Variants in MTG1 observed in about 807,000 individuals in gnomAD.
MTG1 encodes the protein mitochondrial ribosome-associated GTPase 1.
A neutral mutation model predicts 39.5 loss-of-function variants in MTG1; 30 were observed. The ratio of observed to expected loss-of-function variants is 0.76; its 90% CI spans 0.57 to 1.03. The LOEUF is 1.03. Ranked by LOEUF, MTG1 falls within the 50% of genes least tolerant of loss-of-function variation. The pLI is 0.00. For missense variants in MTG1, 513 were observed against 447.4 expected, an observed-to-expected ratio of 1.15 and a Z score of -1.32; for synonymous variants, 217 against 179.0, an observed-to-expected ratio of 1.21 and a Z score of -1.69.
At chr10:133,408,790 C>G (rs1474373402) in intron 9 of MTG1, among the ~76,000 whole-genome samples, 2 of 152,134 alleles carry the variant, frequency 1.3e-5, no homozygotes, top group Admixed American at 1.3e-4. Flanking sequence ...TGTTTGTATC[C>G]AGGAATTCAT....
At chr10:133,405,857 G>C (rs1388671741) in intron 9 of MTG1, among the ~76,000 whole-genome samples, 3 of 152,186 alleles carry the variant, frequency 2.0e-5, no homozygotes, top group African/African-American at 7.2e-5. Context: ...ACCCAGTAGT[G>C]GGATTGCTGG....
chr10:133,408,141 G>T (rs1392534710), intron 9 of MTG1, among the ~76,000 whole-genome samples: 2 of 152,178 alleles, frequency 1.3e-5, no homozygotes, highest in Admixed American at 1.3e-4. Flanking sequence ...TCTGTGTGTT[G>T]TTCCAGATCT....
chr10:133,418,178 A>G (rs1410129875), intron 9 of MTG1, among the ~76,000 whole-genome samples: 1 of 152,134 alleles, frequency 6.6e-6, no homozygotes, highest in East Asian at 1.9e-4. Context: ...TAATTTTTGT[A>G]TTTTTAGTAG....
intron 2 of MTG1, 34 bp downstream of exon 2, chr10:133,395,811 C>T (rs1849773892): frequency 2.5e-6 from 4 of 1,606,116 alleles, no homozygotes; most frequent in African/African-American, 1.3e-5. Flanking sequence ...GGCCCCTCTG[C>T]CTGAAGTCAT....
chr10:133,394,295 C>T lies in MTG1; in HGVS notation c.75C>T (p.Arg25=). The T allele has an allele frequency of 1.3e-6, 2 of 1,516,706 alleles. No individual in the cohort carries two copies. The highest frequency in any genetic ancestry group is 8.8e-7 in the Non-Finnish European group (1 of 1,136,738). The allele number at this position is 1,516,706 out of a possible 1,614,324, so 94.0% of individuals were successfully genotyped here. Residue 25 remains arginine, a synonymous_variant, in exon 1 of 11, where the codon CGC becomes CGT. Transcript: ENST00000317502. ...AWRENFPLCG[R]DVARWFPGHM... The stretch of plus-strand genomic sequence containing the variant: ...GGGAGAACTTCCCCCTGTGCGGTCG[C>T]GACGTGGCGCGCTGGTTCCCGGGCC...
rs1448851519 is a variant in MTG1 at position 133,402,349 on chromosome 10, G to A, written c.670+104G>A. ...GGGCCCCTAGACGGGAGTTGTTACT[G>A]CCTTTGACCTGGTTGCTGCCAGACC... On this transcript the variant is annotated intron_variant, in intron 8 of 10. Coordinates refer to ENST00000317502, the MANE Select transcript of MTG1 (RefSeq NM_138384.4). The surrounding 1 kb of genome is among the most constrained non-coding windows in gnomAD (Gnocchi z 4.7). The A allele has an allele frequency of 9.6e-6, 13 of 1,354,290 alleles. No homozygotes were observed. In the South Asian group the frequency reaches 1.4e-4, roughly 15 times the overall value. 83.9% of individuals were successfully genotyped at this position (1,354,290 alleles called of 1,614,324 possible).
Position 133,395,861 on chromosome 10 carries a change from T to G in MTG1, c.177+84T>G, listed in dbSNP as rs116478234. ...TTACCTGGGGAGGCTTTTAAAAATA[T>G]GAATTGCGAGGCCCCTTTCTAGACC... On this transcript the variant is annotated intron_variant, in intron 2 of 10. Coordinates refer to ENST00000317502, the MANE Select transcript of MTG1 (RefSeq NM_138384.4). 8.9e-4 allele frequency: 1,255 copies of G among 1,415,580 alleles called. 8 individuals carry two copies. The African/African-American group carries it at 0.015, about 16-fold the overall frequency. 87.7% of individuals were successfully genotyped at this position (1,415,580 alleles called of 1,614,324 possible). A position where few individuals can be genotyped will look rare whatever the true frequency, so the allele number is the denominator to read the frequency against.
intron 9 of MTG1, among the ~76,000 whole-genome samples, chr10:133,413,548 C>T (rs1359101965): frequency 2.6e-5 from 4 of 152,150 alleles, no homozygotes; most frequent in Non-Finnish European, 5.9e-5. Context: ...GTGCCCGGCC[C>T]ATTTGTCTCA....
chr10:133,404,640 A>G (rs2133501095), intron 9 of MTG1, among the ~76,000 whole-genome samples: 1 of 152,322 alleles, frequency 6.6e-6, no homozygotes, highest in South Asian at 2.1e-4. Flanking sequence ...AACCAGGGTC[A>G]CAAGGGTTTC....
chr10:133,409,189 G>A (rs977897750), intron 9 of MTG1, among the ~76,000 whole-genome samples: 3 of 151,786 alleles, frequency 2.0e-5, no homozygotes, highest in Non-Finnish European at 2.9e-5. Context: ...ATAAACTTCC[G>A]TCTTAGCAAC....
In MTG1 at chr10:133,420,237, G is replaced by A; in HGVS notation, c.*72G>A. The A allele has an allele frequency of 6.6e-7, 1 of 1,507,644 alleles. No individual in the cohort carries two copies. The highest frequency in any genetic ancestry group is 1.3e-5 in the South Asian group (1 of 78,136). 93.4% of individuals were successfully genotyped at this position (1,507,644 alleles called of 1,614,324 possible). A position where few individuals can be genotyped will look rare whatever the true frequency, so the allele number is the denominator to read the frequency against. ...CCTGACCTGGGTGGTTGAGGCTCAAGACAGCTCACCCGGTCCAGAAGCTCC... is the reference window on the plus strand; with the variant it reads ...CCTGACCTGGGTGGTTGAGGCTCAAAACAGCTCACCCGGTCCAGAAGCTCC... On this transcript the variant is annotated 3_prime_UTR_variant, in exon 11 of 11. Transcript: ENST00000317502.
At chr10:133,406,845 A>G (rs1311909151) in intron 9 of MTG1, among the ~76,000 whole-genome samples, 1 of 151,974 alleles carries the variant, frequency 6.6e-6, no homozygotes, top group Non-Finnish European at 1.5e-5. Flanking sequence ...TTGTATTTTT[A>G]GTAGAGATGG....
intron 9 of MTG1, among the ~76,000 whole-genome samples, chr10:133,412,884 G>C (rs1216775067): frequency 6.6e-6 from 1 of 151,982 alleles, no homozygotes; most frequent in South Asian, 2.1e-4. Context: ...CAATTATTGT[G>C]AGAGGGGCAC....
chr10:133,413,653 A>G (rs1850077310), intron 9 of MTG1, among the ~76,000 whole-genome samples: 3 of 152,152 alleles, frequency 2.0e-5, no homozygotes, highest in Admixed American at 2.0e-4. Context: ...ATTGTCTACA[A>G]CTTTTGGGAG....
intron 9 of MTG1, among the ~76,000 whole-genome samples, chr10:133,409,763 A>G (rs1055694183): frequency 2.0e-5 from 3 of 152,132 alleles, no homozygotes; most frequent in Admixed American, 6.5e-5. Context: ...CCCTTTATCA[A>G]TCGTATAGTG....
At chr10:133,415,576 C>T (rs989674634) in intron 9 of MTG1, among the ~76,000 whole-genome samples, 4 of 152,116 alleles carry the variant, frequency 2.6e-5, no homozygotes, top group East Asian at 1.9e-4. Context: ...TTTTCACCTG[C>T]GTGGTGTCTG....
intron 9 of MTG1, among the ~76,000 whole-genome samples, chr10:133,405,241 C>T (rs568397892): frequency 6.6e-6 from 1 of 152,118 alleles, no homozygotes; most frequent in African/African-American, 2.4e-5. Flanking sequence ...TTATATTGAA[C>T]TCTTTTTTAA....
chr10:133,420,119 A>T lies in MTG1; in HGVS notation c.959A>T (p.Asp320Val). The T allele has an allele frequency of 6.2e-7, 1 of 1,613,054 alleles. No homozygotes were observed. Among genetic ancestry groups the T allele is most frequent in the Admixed American group, 1.7e-5 (1 of 59,966 alleles). Residue 320 changes from aspartate to valine, a missense_variant, in exon 11 of 11, where the codon GAC becomes GTC. Coordinates refer to ENST00000317502, the MANE Select transcript of MTG1 (RefSeq NM_138384.4). ...GGGCTGCTGGGTTCCGTGATGCTGG[A>T]CCTCGACGTCCTGCGGGGCCACCCC... ...RRGLLGSVMLDLDVLRGHPPA... is the reference protein window; with the variant it reads ...RRGLLGSVMLVLDVLRGHPPA...
At chr10:133,395,202 T>A (rs540304179) in intron 1 of MTG1, among the ~76,000 whole-genome samples, 1 of 152,156 alleles carries the variant, frequency 6.6e-6, no homozygotes, top group Non-Finnish European at 1.5e-5. Flanking sequence ...GAGACTATCC[T>A]GGCCAGCATG....
Sources: allele counts gnomAD v4.1 joint callset (sites outside exome capture counted in the v4.1 genomes callset), GRCh38; gene constraint gnomAD v4.1.1; non-coding constraint Gnocchi (gnomAD v3.1); transcripts MANE v1.5; gene names NCBI Gene and HGNC (gene_info 2026-07-23, HGNC 2026-07-21).